The following CCDC73 variants were observed in gnomAD, a reference collection of about 807,000 sequenced individuals.
The protein encoded by CCDC73 is coiled-coil domain-containing protein 73.
A neutral mutation model predicts 116.5 loss-of-function variants in CCDC73; 95 were observed. That is an observed-to-expected ratio of 0.82 (90% CI 0.69 to 0.97). The LOEUF (loss-of-function observed/expected upper bound fraction) is 0.97. Ranked by LOEUF, CCDC73 falls within the 50% of genes least tolerant of loss-of-function variation. The pLI is 0.00. For missense variants in CCDC73, 1,066 were observed against 1,206.8 expected, an observed-to-expected ratio of 0.88 and a Z score of 1.73; for synonymous variants, 398 against 401.3, an observed-to-expected ratio of 0.99 and a Z score of 0.10.
the CCDC73 span, chr11:32,830,494 TTTG>T: frequency 7.0e-7 from 1 of 1,429,066 alleles, no homozygotes; most frequent in Non-Finnish European, 9.2e-7. Flanking sequence ...AATATTTTTT[TTTG>T]TTTGTTTTAG....
intron 9 of CCDC73, among the ~76,000 whole-genome samples, chr11:32,667,848 T>C (rs1856000986): frequency 6.6e-6 from 1 of 152,190 alleles, no homozygotes; most frequent in African/African-American, 2.4e-5. Flanking sequence ...TTATTCCTAA[T>C]GGAGAATACA....
the CCDC73 span, among the ~76,000 whole-genome samples, chr11:32,817,358 T>G: frequency 6.6e-6 from 1 of 152,242 alleles, no homozygotes; most frequent in Non-Finnish European, 1.5e-5. Context: ...TTTTTAAGGC[T>G]TTTTACATGT....
chr11:32,742,024 T>C (rs1590624754), intron 2 of CCDC73, among the ~76,000 whole-genome samples: 1 of 152,164 alleles, frequency 6.6e-6, no homozygotes, highest in Admixed American at 6.5e-5. Flanking sequence ...TTCCATGGTG[T>C]ATATGTGCCA....
At chr11:32,776,989 GTATATATATATATATATATA>G (rs71063758) in intron 1 of CCDC73, among the ~76,000 whole-genome samples, 11 of 101,140 alleles carry the variant, frequency 1.1e-4, no homozygotes, top group South Asian at 7.2e-4. Flanking sequence ...ATATACACAT[GTATATATATATATATATATA>G]TATATATATA....
At chr11:32,785,585 G>A (rs1232112391) in intron 1 of CCDC73, among the ~76,000 whole-genome samples, 1 of 151,674 alleles carries the variant, frequency 6.6e-6, no homozygotes, top group Non-Finnish European at 1.5e-5. Context: ...ATTTTTTTTA[G>A]AGACAGACAG....
chr11:32,795,692 T>A, upstream of CCDC73, among the ~76,000 whole-genome samples: 1 of 111,866 alleles, frequency 8.9e-6, no homozygotes, highest in Admixed American at 8.7e-5. Context: ...GCCCTCAAAT[T>A]TTTTTTTTTT....
At chr11:32,806,868 C>G in the CCDC73 span, among the ~76,000 whole-genome samples, 4 of 152,172 alleles carry the variant, frequency 2.6e-5, no homozygotes, top group Admixed American at 2.0e-4. Flanking sequence ...CTGTTTGATT[C>G]TGGTACTAAC....
At chr11:32,771,681 T>C (rs1477797782) in intron 1 of CCDC73, among the ~76,000 whole-genome samples, 2 of 152,138 alleles carry the variant, frequency 1.3e-5, no homozygotes, top group African/African-American at 4.8e-5. Context: ...CTGTTTGGGG[T>C]TGAGATTTTT....
intron 1 of CCDC73, among the ~76,000 whole-genome samples, chr11:32,776,936 A>AAAAAATAT (rs1341535562): frequency 1.1e-4 from 4 of 36,462 alleles, no homozygotes; most frequent in African/African-American, 2.5e-4. Context: ...AAAAAAAAAA[A>AAAAAATAT]ATATATATAT....
At chr11:32,699,188 C>T in intron 6 of CCDC73, 63 bp downstream of exon 6, 2 of 1,474,174 alleles carry the variant, frequency 1.4e-6, no homozygotes, top group Non-Finnish European at 1.8e-6. Context: ...TATCTAAAGG[C>T]ATTTTACTGA....
intron 3 of CCDC73, among the ~76,000 whole-genome samples, chr11:32,705,125 C>T (rs1043876129): frequency 2.0e-5 from 3 of 152,176 alleles, no homozygotes; most frequent in East Asian, 1.9e-4. Context: ...CACCATTCAA[C>T]GGGAAACAGC....
At chr11:32,629,257 A>G (rs918939825) in intron 14 of CCDC73, among the ~76,000 whole-genome samples, 2 of 152,150 alleles carry the variant, frequency 1.3e-5, no homozygotes, top group African/African-American at 4.8e-5. Flanking sequence ...GAAATGACCA[A>G]AACTTCTCCA....
intron 11 of CCDC73, 106 bp from the exon 12 acceptor site, chr11:32,653,333 G>T: frequency 3.1e-6 from 2 of 640,220 alleles, no homozygotes; most frequent in South Asian, 2.3e-5. Context: ...TGTATTTATA[G>T]TTTAATTTCA....
intron 2 of CCDC73, among the ~76,000 whole-genome samples, chr11:32,737,275 A>G (rs868045675): frequency 3.7e-3 from 408 of 111,462 alleles, no homozygotes; most frequent in South Asian, 8.1e-3. Flanking sequence ...GTGTGTGTGT[A>G]TATACATGGT....
chr11:32,616,841 A>G (rs1855478970), intron 14 of CCDC73, among the ~76,000 whole-genome samples: 3 of 152,186 alleles, frequency 2.0e-5, no homozygotes, highest in Admixed American at 2.0e-4. Flanking sequence ...GGCAACTTTA[A>G]TAGGATGTGG....
At chr11:32,794,901 G>A (rs1215501082), upstream of CCDC73, among the ~76,000 whole-genome samples, 1 of 149,344 alleles carries the variant, frequency 6.7e-6, no homozygotes, top group Non-Finnish European at 1.5e-5. Flanking sequence ...GTCTCGCTCT[G>A]TCGCCCAGGC....
chr11:32,766,018 A>G (rs1850438030), intron 1 of CCDC73, among the ~76,000 whole-genome samples: 1 of 152,248 alleles, frequency 6.6e-6, no homozygotes, highest in South Asian at 2.1e-4. Flanking sequence ...AGAGAATTTT[A>G]GGCCAATATC....
At chr11:32,705,929 C>A (rs1849851626) in intron 3 of CCDC73, among the ~76,000 whole-genome samples, 1 of 150,232 alleles carries the variant, frequency 6.7e-6, no homozygotes, top group South Asian at 2.1e-4. Flanking sequence ...CTTTGTTTTT[C>A]TGCAGTTAGT....
intron 4 of CCDC73, 35 bp downstream of exon 4, chr11:32,702,837 TA>T: frequency 7.2e-7 from 1 of 1,393,202 alleles, no homozygotes; most frequent in African/African-American, 1.4e-5. Flanking sequence ...ATGCAATATT[TA>T]AAATGGTAGT....
Sources: allele counts gnomAD v4.1 joint callset (sites outside exome capture counted in the v4.1 genomes callset), GRCh38; gene constraint gnomAD v4.1.1; transcripts MANE v1.5; gene names NCBI Gene and HGNC (gene_info 2026-07-23, HGNC 2026-07-21).